The following MAGOHB variants were observed in gnomAD, a reference collection of about 807,000 sequenced individuals.
The protein encoded by MAGOHB is protein mago nashi homolog 2.
Under a neutral mutation model 20.9 loss-of-function variants are expected in MAGOHB, and 15 were observed. The ratio of observed to expected loss-of-function variants is 0.72; its 90% CI spans 0.48 to 1.11. The LOEUF (loss-of-function observed/expected upper bound fraction) is 1.11, where lower values mean the gene tolerates loss of function less well. Ranked by LOEUF, MAGOHB falls within the 50% of genes least tolerant of loss-of-function variation. MAGOHB has a pLI of 0.00. For missense variants in MAGOHB, 162 were observed against 177.6 expected (o/e 0.91, Z 0.50); for synonymous variants, 50 against 57.9 (o/e 0.86, Z 0.62).
rs925034680 is a variant in MAGOHB, at chr12:10,604,812, T to C, written c.*1463A>G. 2.0e-5 allele frequency: 3 copies of C among 152,116 alleles called. No homozygotes were observed. The highest frequency in any genetic ancestry group is 7.2e-5 in the African/African-American group (3 of 41,404). The allele number at this position is 152,116 out of a possible 1,614,324, so 9.4% of individuals were successfully genotyped here. A position where few individuals can be genotyped will look rare whatever the true frequency, so the allele number is the denominator to read the frequency against. On this transcript the variant is annotated 3_prime_UTR_variant, in exon 5 of 5. Coordinates refer to ENST00000320756, the MANE Select transcript of MAGOHB (RefSeq NM_018048.5). ...CTTTCCATGGCAAACCTGAAGACAA[T>C]GGGCATGCATTTTGAGGAGTGAAAA...
chr12:10,607,849 CT>C lies in MAGOHB; in HGVS notation c.347+4del. On this transcript the variant is annotated splice_donor_region_variant and intron_variant, in intron 4 of 4. Coordinates refer to ENST00000320756, the MANE Select transcript of MAGOHB (RefSeq NM_018048.5). ...AACTTCGCCAAAATGCTTTAACATACTTACTTTGACTGATTTACATCAATAA... is the reference window on the plus strand; with the variant it reads ...AACTTCGCCAAAATGCTTTAACATACTACTTTGACTGATTTACATCAATAA... 2 of 1,539,694 alleles carry C rather than the reference CT, an allele frequency of 1.3e-6. No homozygotes were observed. Among genetic ancestry groups the C allele is most frequent in the Non-Finnish European group, 1.8e-6 (2 of 1,121,736 alleles).
At chr12:10,612,391 T>C (rs572733409) in intron 1 of MAGOHB, among the ~76,000 whole-genome samples, 4 of 106,276 alleles carry the variant, frequency 3.8e-5, no homozygotes, top group African/African-American at 1.2e-4. Context: ...GAGTGAGACC[T>C]TGTTTCAAAA....
intron 3 of MAGOHB, chr12:10,609,360 G>A (rs1367072150): frequency 2.3e-6 from 1 of 440,720 alleles, no homozygotes; most frequent in East Asian, 7.0e-5. Context: ...GAGTTCTTCA[G>A]AAGCCTGAGA....
chr12:10,611,034 G>C (rs918091868), intron 1 of MAGOHB, among the ~76,000 whole-genome samples: 4 of 152,130 alleles, frequency 2.6e-5, no homozygotes, highest in Non-Finnish European at 2.9e-5. Flanking sequence ...GCCTCACCCA[G>C]AGCATTTAAT....
At chr12:10,600,830 T>C (rs1219818287), downstream of MAGOHB, among the ~76,000 whole-genome samples, 2 of 152,114 alleles carry the variant, frequency 1.3e-5, no homozygotes, top group Non-Finnish European at 2.9e-5. Flanking sequence ...CAGGTGATAG[T>C]GGTTAATAAG....
intron 1 of MAGOHB, chr12:10,612,717 A>G (rs4415853): frequency 0.011 from 12,701 of 1,161,742 alleles, 67 homozygotes; most frequent in Non-Finnish European, 0.013. Context: ...ATCCAAATGA[A>G]CTTTCTTGTT....
At chr12:10,606,864 T>C (rs535097159) in intron 4 of MAGOHB, among the ~76,000 whole-genome samples, 1 of 152,242 alleles carries the variant, frequency 6.6e-6, no homozygotes, top group East Asian at 1.9e-4. Flanking sequence ...AATACTTCAA[T>C]GAGCATCTTC....
intron 4 of MAGOHB, among the ~76,000 whole-genome samples, chr12:10,606,739 C>T (rs1865636717): frequency 6.6e-6 from 1 of 151,396 alleles, no homozygotes; most frequent in South Asian, 2.1e-4. Flanking sequence ...TTCCTTGTGC[C>T]CTTTTTTACA....
At chr12:10,603,228 G>A (rs567806561), downstream of MAGOHB, among the ~76,000 whole-genome samples, 1 of 150,808 alleles carries the variant, frequency 6.6e-6, no homozygotes, top group South Asian at 2.1e-4. Context: ...GCAGGGAAAT[G>A]GCATGAACCC....
At chr12:10,610,829 T>C in intron 1 of MAGOHB, 149 bp from the exon 2 acceptor site, 1 of 294,280 alleles carries the variant, frequency 3.4e-6, no homozygotes, top group Non-Finnish European at 5.1e-6. Flanking sequence ...GCTAGACATG[T>C]AGACAATAAA....
downstream of MAGOHB, among the ~76,000 whole-genome samples, chr12:10,602,384 T>A (rs1023967476): frequency 5.3e-5 from 8 of 152,148 alleles, no homozygotes; most frequent in African/African-American, 1.9e-4. Context: ...GAAAGCCAAA[T>A]TTTCTAGCTG....
intron 2 of MAGOHB, 21 bp downstream of exon 2, chr12:10,610,601 A>G: frequency 1.5e-6 from 2 of 1,354,526 alleles, no homozygotes; most frequent in South Asian, 1.7e-5. Context: ...AAAAAAAAAA[A>G]GACATTCACA....
chr12:10,613,339 G>A lies in MAGOHB; in HGVS notation c.94+100C>T, dbSNP rs1305735613. 4 of 1,003,150 alleles carry A rather than the reference G, an allele frequency of 4.0e-6. No homozygotes were observed. In the South Asian group the frequency reaches 5.1e-5, roughly 13 times the overall value. 62.1% of individuals were successfully genotyped at this position (1,003,150 alleles called of 1,614,324 possible). A position where few individuals can be genotyped will look rare whatever the true frequency, so the allele number is the denominator to read the frequency against. ...CTATTCTTAAGCTCCTATTTCCTTC[G>A]AGGGAAGCAGTGGCCTCCGCCGCCT... On this transcript the variant is annotated intron_variant, in intron 1 of 4. Coordinates refer to ENST00000320756, the MANE Select transcript of MAGOHB (RefSeq NM_018048.5).
chr12:10,612,604 C>A, intron 1 of MAGOHB: 1 of 1,007,766 alleles, frequency 9.9e-7, no homozygotes, highest in Non-Finnish European at 1.2e-6. Context: ...CAAGACAAAT[C>A]TGCTTTAGTT....
At chr12:10,601,202 A>G (rs148679095), downstream of MAGOHB, among the ~76,000 whole-genome samples, 5 of 152,246 alleles carry the variant, frequency 3.3e-5, no homozygotes, top group East Asian at 9.7e-4. Flanking sequence ...GTAATAGCGG[A>G]TGTTGAAAAG....
chr12:10,611,440 G>T (rs1173261119), intron 1 of MAGOHB, among the ~76,000 whole-genome samples: 1 of 152,048 alleles, frequency 6.6e-6, no homozygotes, highest in Non-Finnish European at 1.5e-5. Flanking sequence ...TAAAATGATA[G>T]AAATGACAGT....
intron 3 of MAGOHB, 197 bp from the exon 4 acceptor site, chr12:10,608,133 A>G: frequency 2.4e-6 from 1 of 411,824 alleles, no homozygotes; most frequent in Non-Finnish European, 4.3e-6. Context: ...CACGCGCACT[A>G]CCCCCAAGTT....
At chr12:10,608,007 A>G (rs938874466) in intron 3 of MAGOHB, 71 bp from the exon 4 acceptor site, 22 of 915,262 alleles carry the variant, frequency 2.4e-5, no homozygotes, top group African/African-American at 3.4e-5. Context: ...TCTTGCTACA[A>G]GCAGATCCCA....
intron 2 of MAGOHB, among the ~76,000 whole-genome samples, chr12:10,610,378 CTAAATCAA>C (rs762686442): frequency 1.3e-5 from 2 of 152,120 alleles, no homozygotes; most frequent in Non-Finnish European, 2.9e-5. Flanking sequence ...GACTCTGTCC[CTAAATCAA>C]TAAATCAATA....
Sources: gnomAD v4.1 joint callset for allele counts (sites outside exome capture counted in the v4.1 genomes callset) on GRCh38, gnomAD v4.1.1 for gene constraint, MANE v1.5 for transcripts, NCBI Gene and HGNC (gene_info 2026-07-23, HGNC 2026-07-21) for gene names.